ADAM18: variants seen among roughly 807,000 people sequenced by gnomAD.
ADAM18 encodes ADAM metallopeptidase domain 18, also known as disintegrin and metalloproteinase domain-containing protein 18.
Under a neutral mutation model 94.4 loss-of-function variants are expected in ADAM18, and 117 were observed. The observed-to-expected ratio is 1.24, with a 90% confidence interval of 1.07 to 1.45. The LOEUF (loss-of-function observed/expected upper bound fraction) is 1.45, where lower values mean the gene tolerates loss of function less well. ADAM18 is among the 40% of genes most tolerant of loss of function. The pLI is 0.00. For synonymous variants in ADAM18, 327 were observed against 291.6 expected (o/e 1.12, Z -1.24); for missense variants, 936 against 880.0 (o/e 1.06, Z -0.81).
At position 39,668,103 on chromosome 8, in the gene ADAM18, T is replaced by C. The variant is rs375498917; in HGVS notation, c.1432T>C (p.Leu478=). ...SSNCVPDTYA[L]NGRLCKLGTA... is the part of the protein sequence containing the mutation. Reference sequence around the variant, plus strand: ...TAATTGTGTTCCTGACACTTATGCATTGAATGGCCGTTTGTGCAAGTTGGG... The same window carrying C: ...TAATTGTGTTCCTGACACTTATGCACTGAATGGCCGTTTGTGCAAGTTGGG... Residue 478 remains leucine, a synonymous_variant, in exon 14 of 20, where the codon TTG becomes CTG. Transcript: ENST00000265707. The C allele has an allele frequency of 1.6e-5, 26 of 1,614,026 alleles. No individual in the cohort carries two copies. Among genetic ancestry groups the C allele is most frequent in the Non-Finnish European group, 2.1e-5 (25 of 1,180,016 alleles).
intron 17 of ADAM18, among the ~76,000 whole-genome samples, chr8:39,698,184 T>C (rs1056369110): frequency 1.3e-5 from 2 of 151,862 alleles, no homozygotes; most frequent in South Asian, 4.1e-4. Context: ...GTTCTATTAT[T>C]ATTCCGCCAT....
At chr8:39,645,303 CATA>C in intron 10 of ADAM18, 32 bp from the exon 11 acceptor site, 1 of 1,539,006 alleles carries the variant, frequency 6.5e-7, no homozygotes, top group Non-Finnish European at 8.8e-7. Context: ...TATTTTCACA[CATA>C]ATAATTTTCT....
At chr8:39,650,939 C>A (rs564663977) in intron 12 of ADAM18, among the ~76,000 whole-genome samples, 1 of 151,906 alleles carries the variant, frequency 6.6e-6, no homozygotes, top group Non-Finnish European at 1.5e-5. Context: ...AGAGGACCTG[C>A]GCTGGCACCA....
At chr8:39,718,205 C>A (rs889366134) in intron 18 of ADAM18, among the ~76,000 whole-genome samples, 1 of 151,472 alleles carries the variant, frequency 6.6e-6, no homozygotes, top group Non-Finnish European at 1.5e-5. Flanking sequence ...TCCAGCCATC[C>A]CACCAATGGA....
chr8:39,626,660 C>A (rs1270024054), intron 6 of ADAM18, among the ~76,000 whole-genome samples: 2 of 151,916 alleles, frequency 1.3e-5, no homozygotes, highest in Admixed American at 6.6e-5. Flanking sequence ...TTATTGTTAA[C>A]CCCAAAATCA....
chr8:39,615,032 G>T (rs1053173302), intron 6 of ADAM18, among the ~76,000 whole-genome samples: 1 of 152,106 alleles, frequency 6.6e-6, no homozygotes, highest in Non-Finnish European at 1.5e-5. Flanking sequence ...TCCACTGACA[G>T]CATTAGACAA....
intron 13 of ADAM18, among the ~76,000 whole-genome samples, chr8:39,664,249 G>T (rs1375769340): frequency 5.9e-5 from 9 of 152,056 alleles, no homozygotes; most frequent in Admixed American, 5.9e-4. Flanking sequence ...ATATGCCAGA[G>T]TTTATTTTTA....
intron 17 of ADAM18, among the ~76,000 whole-genome samples, chr8:39,702,527 C>T (rs1179958381): frequency 6.6e-6 from 1 of 152,064 alleles, no homozygotes; most frequent in Non-Finnish European, 1.5e-5. Context: ...GTTTCAATTG[C>T]TTTTGGCATC....
chr8:39,668,244 C>T (rs1362836570), intron 14 of ADAM18, 48 bp downstream of exon 14: 2 of 1,550,510 alleles, frequency 1.3e-6, no homozygotes. Flanking sequence ...TTGCATCTCT[C>T]TGTAGAGTAC....
At chr8:39,608,713 C>G (rs1184244864) in intron 3 of ADAM18, among the ~76,000 whole-genome samples, 2 of 152,020 alleles carry the variant, frequency 1.3e-5, no homozygotes, top group African/African-American at 4.8e-5. Flanking sequence ...GGCTTTTTGT[C>G]TCTTGCCTAA....
intron 12 of ADAM18, among the ~76,000 whole-genome samples, chr8:39,651,360 G>A (rs1159259021): frequency 6.6e-6 from 1 of 151,718 alleles, no homozygotes; most frequent in Non-Finnish European, 1.5e-5. Context: ...GTCGGGCTGG[G>A]GGACGTTCAG....
Position 39,693,112 on chromosome 8 carries a change from A to T in ADAM18, c.1902+432A>T, listed in dbSNP as rs539159966. 3.3e-5 allele frequency among the ~76,000 whole-genome samples: 5 copies of T among 151,490 alleles called. No individual in the cohort carries two copies. The South Asian group carries it at 1.0e-3, about 31-fold the overall frequency. ...CAACTTCACGCAAAAAGCTTTTTTT[A>T]TTTCTTCTGAATTGTCTATTTTAAT... On this transcript the variant is annotated intron_variant, in intron 17 of 19. Coordinates refer to ENST00000265707, the MANE Select transcript of ADAM18 (RefSeq NM_014237.3).
chr8:39,675,948 C>A (rs1821289366), intron 14 of ADAM18, among the ~76,000 whole-genome samples: 1 of 152,196 alleles, frequency 6.6e-6, no homozygotes, highest in Non-Finnish European at 1.5e-5. Context: ...CTGGGTATCA[C>A]CAGTGGAGGC....
rs138107071 is a variant in ADAM18 at position 39,646,712 on chromosome 8, A to G, written c.1046+1238A>G. The stretch of plus-strand genomic sequence containing the variant: ...GAAATGTGTGTTGTGCATCTATTAG[A>G]CATTTCTCCTAGATATACTAGTGGA... On this transcript the variant is annotated intron_variant, in intron 11 of 19. Coordinates refer to ENST00000265707, the MANE Select transcript of ADAM18 (RefSeq NM_014237.3). Among the ~76,000 whole-genome samples the G allele has an allele frequency of 8.7e-4, 133 of 152,326 alleles. 1 individual carries two copies. The highest frequency in any genetic ancestry group is 3.1e-3 in the African/African-American group (130 of 41,570).
intron 17 of ADAM18, among the ~76,000 whole-genome samples, chr8:39,701,117 C>CAAAAAAAAAAAAAAAAAAAAAA (rs71237188): frequency 2.3e-4 from 8 of 34,562 alleles, no homozygotes; most frequent in Admixed American, 5.8e-4. Context: ...GACTCTGTCT[C>CAAAAAAAAAAAAAAAAAAAAAA]AAAAAAAAAA....
At chr8:39,636,000 A>G (rs1820064428) in intron 7 of ADAM18, among the ~76,000 whole-genome samples, 2 of 144,316 alleles carry the variant, frequency 1.4e-5, no homozygotes, top group African/African-American at 2.6e-5. Context: ...GTAACCATTA[A>G]GTTTTTTTGT....
intron 5 of ADAM18, 108 bp from the exon 6 acceptor site, chr8:39,610,421 G>A (rs1819235582): frequency 7.8e-7 from 1 of 1,289,330 alleles, no homozygotes; most frequent in Non-Finnish European, 1.0e-6. Flanking sequence ...CTTAAAATGT[G>A]TTCTTTAGTA....
chr8:39,647,430 T>A (rs1215057731), intron 11 of ADAM18, among the ~76,000 whole-genome samples: 2 of 152,130 alleles, frequency 1.3e-5, no homozygotes, highest in Non-Finnish European at 2.9e-5. Context: ...TTCTCCTATC[T>A]CAGAATTGAA....
intron 8 of ADAM18, 59 bp downstream of exon 8, chr8:39,637,394 G>A (rs1244293585): frequency 6.6e-7 from 1 of 1,518,988 alleles, no homozygotes; most frequent in Non-Finnish European, 9.0e-7. Context: ...TATAATTTGG[G>A]TTCTATCTTG....
Sources: gnomAD v4.1 joint callset for allele counts (sites outside exome capture counted in the v4.1 genomes callset) on GRCh38, gnomAD v4.1.1 for gene constraint, MANE v1.5 for transcripts, NCBI Gene and HGNC (gene_info 2026-07-23, HGNC 2026-07-21) for gene names.